The following STXBP5L variants were observed in gnomAD, a reference collection of about 807,000 sequenced individuals.
STXBP5L encodes syntaxin binding protein 5L.
STXBP5L carries 65 observed loss-of-function variants against 144.5 expected under a neutral mutation model. The ratio of observed to expected loss-of-function variants is 0.45; its 90% CI spans 0.37 to 0.55. The LOEUF (loss-of-function observed/expected upper bound fraction) is 0.55. Among genes scored for constraint, STXBP5L ranks in the 20% least tolerant of loss-of-function variants. The probability of loss-of-function intolerance (pLI) is 0.00; values close to 1 mark genes in which losing one functional copy is unlikely to be tolerated. For missense variants in STXBP5L, 1,298 were observed against 1,405.5 expected, an observed-to-expected ratio of 0.92 and a Z score of 1.22; for synonymous variants, 505 against 469.6, an observed-to-expected ratio of 1.08 and a Z score of -0.97.
rs555203719 is a variant in STXBP5L, at chr3:121,013,856, G to T, written c.288-27844G>T. 2.0e-5 allele frequency among the ~76,000 whole-genome samples: 3 copies of T among 151,972 alleles called. No individual in the cohort carries two copies. In the South Asian group the frequency reaches 6.2e-4, roughly 32 times the overall value. ...GGGGATTAGTTTCATTCTACATATG[G>T]TTAGTCAGTTTTCCCAGCATCATTT... On this transcript the variant is annotated intron_variant, in intron 3 of 26. Transcript: ENST00000471454.
intron 9 of STXBP5L, among the ~76,000 whole-genome samples, chr3:121,194,748 T>C (rs1001732660): frequency 1.3e-5 from 2 of 152,152 alleles, no homozygotes; most frequent in Admixed American, 6.5e-5. Context: ...ATTTCATTAC[T>C]TGTTTTGTCT....
At chr3:121,147,554 G>C (rs1343294516) in intron 7 of STXBP5L, among the ~76,000 whole-genome samples, 2 of 152,086 alleles carry the variant, frequency 1.3e-5, no homozygotes, top group Non-Finnish European at 2.9e-5. Context: ...AACCCAGTAA[G>C]CTAGATAAAC....
At chr3:121,053,339 C>G (rs1948177859) in intron 5 of STXBP5L, among the ~76,000 whole-genome samples, 1 of 152,146 alleles carries the variant, frequency 6.6e-6, no homozygotes. Flanking sequence ...TGATTTCAAA[C>G]TATACTACAA....
chr3:121,241,084 TAAGA>T (rs1368776953), intron 14 of STXBP5L, among the ~76,000 whole-genome samples: 1 of 152,126 alleles, frequency 6.6e-6, no homozygotes, highest in African/African-American at 2.4e-5. Context: ...ATATTACATA[TAAGA>T]CAAACATAAG....
At chr3:121,319,308 T>C (rs2043892053) in intron 20 of STXBP5L, among the ~76,000 whole-genome samples, 1 of 152,170 alleles carries the variant, frequency 6.6e-6, no homozygotes, top group South Asian at 2.1e-4. Context: ...TTTACATTAT[T>C]TTAATTTGAA....
At chr3:121,143,501 C>A (rs1328139448) in intron 7 of STXBP5L, among the ~76,000 whole-genome samples, 2 of 151,786 alleles carry the variant, frequency 1.3e-5, no homozygotes. Context: ...GGATCTATCT[C>A]TGAAGTGCAA....
In STXBP5L at chr3:121,191,324, G is replaced by A. The variant is rs1159100875; in HGVS notation, c.878-14599G>A. On this transcript the variant is annotated intron_variant, in intron 9 of 26. Transcript: ENST00000471454. ...AGGCTGAGGCTGGCAGATCACTCGCGGTCAGGAGCTGGAGACCAGCCCGGC... is the reference window on the plus strand; with the variant it reads ...AGGCTGAGGCTGGCAGATCACTCGCAGTCAGGAGCTGGAGACCAGCCCGGC... Among the ~76,000 whole-genome samples the A allele has an allele frequency of 4.6e-5, 7 of 152,188 alleles. No homozygotes were observed. In the East Asian group the frequency reaches 7.7e-4, roughly 17 times the overall value.
intron 22 of STXBP5L, among the ~76,000 whole-genome samples, chr3:121,402,935 T>C (rs1034858552): frequency 3.3e-5 from 5 of 152,092 alleles, no homozygotes; most frequent in African/African-American, 9.7e-5. Flanking sequence ...ACTCAAACGA[T>C]CCTCCCATCT....
chr3:121,192,664 A>G (rs1011172021), intron 9 of STXBP5L, among the ~76,000 whole-genome samples: 1 of 152,136 alleles, frequency 6.6e-6, no homozygotes, highest in South Asian at 2.1e-4. Flanking sequence ...CAGAAATAAC[A>G]CCACACATCT....
intron 9 of STXBP5L, among the ~76,000 whole-genome samples, chr3:121,163,635 G>A (rs1174095161): frequency 2.0e-5 from 3 of 151,906 alleles, no homozygotes; most frequent in Non-Finnish European, 4.4e-5. Context: ...AAAATTAGAT[G>A]AGCAAATATG....
intron 19 of STXBP5L, among the ~76,000 whole-genome samples, chr3:121,314,622 AG>A (rs2043713091): frequency 2.0e-5 from 3 of 150,780 alleles, no homozygotes; most frequent in Admixed American, 1.3e-4. Flanking sequence ...GGAGAGGGAG[AG>A]GGAGAGGGAG....
intron 19 of STXBP5L, among the ~76,000 whole-genome samples, chr3:121,295,812 A>G (rs2051628522): frequency 6.6e-6 from 1 of 152,218 alleles, no homozygotes; most frequent in African/African-American, 2.4e-5. Flanking sequence ...ATCAAATTGA[A>G]AACATTTAGA....
chr3:121,101,774 G>A (rs994391412), intron 5 of STXBP5L, among the ~76,000 whole-genome samples: 2 of 152,028 alleles, frequency 1.3e-5, no homozygotes, highest in Non-Finnish European at 2.9e-5. Context: ...ATCCAACTAG[G>A]AAAAGAAGAA....
intron 3 of STXBP5L, among the ~76,000 whole-genome samples, chr3:120,975,527 C>A (rs560503143): frequency 6.6e-6 from 1 of 152,234 alleles, no homozygotes; most frequent in East Asian, 1.9e-4. Context: ...TAATTGAATA[C>A]CCTTTATTTC....
intron 5 of STXBP5L, among the ~76,000 whole-genome samples, chr3:121,046,728 T>G (rs954969169): frequency 6.6e-6 from 1 of 152,098 alleles, no homozygotes; most frequent in Non-Finnish European, 1.5e-5. Flanking sequence ...TTTATGATTG[T>G]TTATTTGGAT....
intron 5 of STXBP5L, among the ~76,000 whole-genome samples, chr3:121,072,816 C>T (rs957777468): frequency 6.6e-6 from 1 of 152,162 alleles, no homozygotes; most frequent in Non-Finnish European, 1.5e-5. Flanking sequence ...CTAAGAGCTT[C>T]TCTATTTCCT....
chr3:121,057,519 T>A (rs1044154506), intron 5 of STXBP5L, among the ~76,000 whole-genome samples: 1 of 152,096 alleles, frequency 6.6e-6, no homozygotes. Context: ...TATCCTAATT[T>A]CCAACTCTAT....
intron 5 of STXBP5L, among the ~76,000 whole-genome samples, chr3:121,070,788 T>G (rs1208545084): frequency 1.3e-5 from 2 of 152,182 alleles, no homozygotes. Context: ...CATCAAAATA[T>G]ATGGAGACAG....
intron 3 of STXBP5L, among the ~76,000 whole-genome samples, chr3:121,010,370 A>C (rs1449034053): frequency 4.0e-5 from 6 of 151,670 alleles, no homozygotes; most frequent in South Asian, 2.1e-4. Context: ...TCATTTATGG[A>C]AACTGGGCAA....
Sources: allele counts gnomAD v4.1 joint callset (sites outside exome capture counted in the v4.1 genomes callset), GRCh38; gene constraint gnomAD v4.1.1; transcripts MANE v1.5; gene names NCBI Gene and HGNC (gene_info 2026-07-23, HGNC 2026-07-21).